The following SLC9A9 variants were observed in gnomAD, a reference collection of about 807,000 sequenced individuals.
SLC9A9 encodes solute carrier family 9 member A9, also known as sodium/hydrogen exchanger 9.
SLC9A9 carries 62 observed loss-of-function variants against 77.8 expected under a neutral mutation model. That is an observed-to-expected ratio of 0.80 (90% confidence interval 0.65 to 0.98). The LOEUF (loss-of-function observed/expected upper bound fraction) is 0.98, where lower values mean the gene tolerates loss of function less well. Ranked by LOEUF, SLC9A9 falls within the 50% of genes least tolerant of loss-of-function variation. The probability of loss-of-function intolerance (pLI) is 0.00; values close to 1 mark genes in which losing one functional copy is unlikely to be tolerated. For synonymous variants in SLC9A9, 320 were observed against 283.5 expected (o/e 1.13, Z -1.29); for missense variants, 775 against 774.9 (o/e 1.00, Z 0.00).
At chr3:143,539,876 AAGAGAG>A (rs67678469) in intron 9 of SLC9A9, among the ~76,000 whole-genome samples, 12 of 150,428 alleles carry the variant, frequency 8.0e-5, no homozygotes, top group Admixed American at 2.6e-4. Flanking sequence ...GTGAAAAATT[AAGAGAG>A]AGAGAGAGAG....
intron 9 of SLC9A9, among the ~76,000 whole-genome samples, chr3:143,538,951 C>T (rs748029549): frequency 6.6e-6 from 1 of 152,168 alleles, no homozygotes; most frequent in Non-Finnish European, 1.5e-5. Context: ...CAACAGGGAT[C>T]TTTTCCCTTC....
chr3:143,635,641 T>C (rs905846657), intron 6 of SLC9A9, among the ~76,000 whole-genome samples: 40 of 152,258 alleles, frequency 2.6e-4, no homozygotes, highest in African/African-American at 9.6e-4. Context: ...CCAGAATGTG[T>C]CAGCATGATT....
intron 14 of SLC9A9, among the ~76,000 whole-genome samples, chr3:143,278,658 A>G (rs1938124091): frequency 6.6e-6 from 1 of 151,666 alleles, no homozygotes; most frequent in Non-Finnish European, 1.5e-5. Flanking sequence ...CAAGCAAACC[A>G]GTGATGTCAG....
intron 8 of SLC9A9, among the ~76,000 whole-genome samples, chr3:143,567,709 T>A (rs1457606764): frequency 6.6e-6 from 1 of 152,160 alleles, no homozygotes; most frequent in Non-Finnish European, 1.5e-5. Flanking sequence ...ATAAATCAAA[T>A]GATCATCATC....
intron 4 of SLC9A9, among the ~76,000 whole-genome samples, chr3:143,708,649 GT>G (rs1332631541): frequency 4.6e-5 from 7 of 152,046 alleles, no homozygotes; most frequent in African/African-American, 1.7e-4. Flanking sequence ...TAAATTCCAC[GT>G]ACACATCATT....
At chr3:143,756,474 C>T (rs1341992926) in intron 4 of SLC9A9, among the ~76,000 whole-genome samples, 1 of 152,184 alleles carries the variant, frequency 6.6e-6, no homozygotes, top group Non-Finnish European at 1.5e-5. Context: ...TTGGCATCAA[C>T]AGCCATTTCC....
intron 12 of SLC9A9, among the ~76,000 whole-genome samples, chr3:143,385,230 A>T (rs1229544866): frequency 5.3e-5 from 8 of 151,300 alleles, no homozygotes; most frequent in Non-Finnish European, 7.4e-5. Flanking sequence ...TGTCCCTATG[A>T]CCCCCACCCC....
intron 14 of SLC9A9, among the ~76,000 whole-genome samples, chr3:143,303,304 TCTGAA>T (rs2030616474): frequency 6.6e-6 from 1 of 152,046 alleles, no homozygotes; most frequent in Admixed American, 6.5e-5. Context: ...GAAAGTGATA[TCTGAA>T]CTGAGTTTCC....
chr3:143,846,569 A>G (rs1373564793), intron 1 of SLC9A9, among the ~76,000 whole-genome samples: 2 of 151,614 alleles, frequency 1.3e-5, no homozygotes, highest in African/African-American at 4.9e-5. Context: ...GACCCTCAAT[A>G]CTGGCTGGGA....
intron 2 of SLC9A9, among the ~76,000 whole-genome samples, chr3:143,815,263 G>T (rs1052548149): frequency 6.6e-6 from 1 of 152,130 alleles, no homozygotes; most frequent in African/African-American, 2.4e-5. Context: ...AATTAAAAAA[G>T]CACTCTTCCA....
chr3:143,357,025 C>T (rs1379526112), intron 14 of SLC9A9, among the ~76,000 whole-genome samples: 2 of 152,198 alleles, frequency 1.3e-5, no homozygotes, highest in African/African-American at 4.8e-5. Flanking sequence ...TCCCTACAGC[C>T]AGCTTCCCAG....
intron 11 of SLC9A9, among the ~76,000 whole-genome samples, chr3:143,480,799 T>G (rs1006890693): frequency 1.3e-5 from 2 of 152,170 alleles, no homozygotes; most frequent in South Asian, 2.1e-4. Context: ...AGGAAGGAGA[T>G]GTAGCATGGG....
intron 4 of SLC9A9, among the ~76,000 whole-genome samples, chr3:143,736,760 G>A (rs1432010254): frequency 6.6e-6 from 1 of 152,204 alleles, no homozygotes; most frequent in East Asian, 1.9e-4. Context: ...GGCGAGGGTA[G>A]TTAATTGGCT....
rs372992230 is a variant in SLC9A9 at position 143,280,126 on chromosome 3, C to CTCCCCTTTCT, written c.1605-11156_1605-11147dup. Among the ~76,000 whole-genome samples, 938 of 152,268 alleles carry CTCCCCTTTCT rather than the reference C, an allele frequency of 6.2e-3. 13 individuals are homozygous for CTCCCCTTTCT. The highest frequency in any genetic ancestry group is 0.022 in the African/African-American group (900 of 41,548). On this transcript the variant is annotated intron_variant, in intron 14 of 15. Coordinates refer to ENST00000316549, the MANE Select transcript of SLC9A9 (RefSeq NM_173653.4). ...ATGAGTCACCAGGGCCTGCCTAGAA[C>CTCCCCTTTCT]TCCCCTTTCTTATGTTTGTTTCTCC...
At chr3:143,362,205 A>G (rs1203327100) in intron 14 of SLC9A9, among the ~76,000 whole-genome samples, 1 of 152,186 alleles carries the variant, frequency 6.6e-6, no homozygotes, top group Non-Finnish European at 1.5e-5. Context: ...GACTTCTCTC[A>G]AGATGGTGGT....
chr3:143,490,317 T>C (rs142233791), intron 11 of SLC9A9, among the ~76,000 whole-genome samples: 22 of 152,316 alleles, frequency 1.4e-4, no homozygotes, highest in African/African-American at 4.8e-4. Context: ...GATCTATACA[T>C]GCAATGAATA....
At chr3:143,298,354 C>A (rs1480006589) in intron 14 of SLC9A9, among the ~76,000 whole-genome samples, 2 of 152,196 alleles carry the variant, frequency 1.3e-5, no homozygotes, top group Non-Finnish European at 2.9e-5. Flanking sequence ...ATTGAGTGAG[C>A]CAGTGACCGT....
chr3:143,590,919 G>T (rs960011487), intron 6 of SLC9A9, among the ~76,000 whole-genome samples: 1 of 152,210 alleles, frequency 6.6e-6, no homozygotes, highest in Non-Finnish European at 1.5e-5. Context: ...AGCCTGCAGC[G>T]TTTCATAAAT....
At chr3:143,343,046 A>C (rs149403206) in intron 14 of SLC9A9, among the ~76,000 whole-genome samples, 310 of 152,326 alleles carry the variant, frequency 2.0e-3, no homozygotes, top group African/African-American at 6.8e-3. Flanking sequence ...CTGTTTCTCA[A>C]ATCTACAACT....
Sources: allele counts gnomAD v4.1 joint callset (sites outside exome capture counted in the v4.1 genomes callset), GRCh38; gene constraint gnomAD v4.1.1; transcripts MANE v1.5; gene names NCBI Gene and HGNC (gene_info 2026-07-23, HGNC 2026-07-21).